SRPRB: variants seen among roughly 807,000 people sequenced by gnomAD.
SRPRB encodes SRP receptor subunit beta, also known as signal recognition particle receptor subunit beta.
A neutral mutation model predicts 31.9 loss-of-function variants in SRPRB; 20 were observed. That is an observed-to-expected ratio of 0.63 (90% confidence interval 0.44 to 0.91). The LOEUF is 0.91. Among genes scored for constraint, SRPRB ranks in the 40% least tolerant of loss-of-function variants. The probability of loss-of-function intolerance (pLI) is 0.00; values close to 1 mark genes in which losing one functional copy is unlikely to be tolerated. For missense variants in SRPRB, 321 were observed against 324.9 expected (o/e 0.99, Z 0.09); for synonymous variants, 146 against 132.8 (o/e 1.10, Z -0.68).
At chr3:133,808,991 A>AGTTT (rs777003763) in intron 3 of SRPRB, among the ~76,000 whole-genome samples, 1 of 151,214 alleles carries the variant, frequency 6.6e-6, no homozygotes, top group African/African-American at 2.4e-5. Flanking sequence ...GTAATGCATA[A>AGTTT]GTTTGTTTGT....
chr3:133,809,149 T>A (rs962197691), intron 3 of SRPRB, among the ~76,000 whole-genome samples: 1 of 151,776 alleles, frequency 6.6e-6, no homozygotes, highest in East Asian at 2.0e-4. Flanking sequence ...CCCACCACCA[T>A]GCCTGGCTAA....
chr3:133,801,230 C>T (rs1039747515), upstream of SRPRB, among the ~76,000 whole-genome samples: 2 of 152,138 alleles, frequency 1.3e-5, no homozygotes, highest in Admixed American at 6.5e-5. Context: ...GAGAAAAATT[C>T]CCTGACTACA....
At position 133,789,901 on chromosome 3, in the gene SRPRB, T is replaced by G. The variant is rs1209773867; in HGVS notation, c.-174+5757T>G. ...TGCGTTTTTTTTTTTTTTTTTTTTT[T>G]TTTTTTTGACAAATGAGCATAATTT... On this transcript the variant is annotated intron_variant, in intron 1 of 7. Coordinates refer to the SRPRB transcript ENST00000466490. The G allele has an allele frequency of 1.5e-3, 129 of 87,610 alleles. 1 individual carries two copies. Among genetic ancestry groups the G allele is most frequent in the African/African-American group, 4.2e-3 (124 of 29,432 alleles). 5.4% of individuals were successfully genotyped at this position (87,610 alleles called of 1,614,324 possible).
intron 1 of SRPRB, chr3:133,789,125 C>T (rs1357423395): frequency 6.6e-6 from 1 of 152,340 alleles, no homozygotes; most frequent in African/African-American, 2.4e-5. Context: ...GGGGATCCTC[C>T]AGACTTCAAC....
upstream of SRPRB, among the ~76,000 whole-genome samples, chr3:133,804,108 A>G (rs1935106841): frequency 6.7e-6 from 1 of 149,640 alleles, no homozygotes; most frequent in South Asian, 2.1e-4. Flanking sequence ...AAAAAAAAAA[A>G]AAAAAAAAGA....
rs770776252 is a variant in SRPRB, at chr3:133,805,918, G to C, written c.70G>C (p.Asp24His). 2 of 1,614,104 alleles carry C rather than the reference G, an allele frequency of 1.2e-6. No individual in the cohort carries two copies. Among genetic ancestry groups the C allele is most frequent in the Non-Finnish European group, 1.7e-6 (2 of 1,179,938 alleles). Residue 24 changes from aspartate (D) to histidine (H), a missense_variant, in exon 1 of 7, where the codon GAC becomes CAC. Asp to His is a moderately conservative substitution (Grantham distance 81). Coordinates refer to ENST00000678299, the MANE Select transcript of SRPRB (RefSeq NM_001379313.1). ...CGGGGGCACCTTCCAGCCCTACCTA[G>C]ACACCTTGCGGCAGGAGCTGCAGCA... is the stretch of plus-strand genomic sequence containing the variant. ...GAGGTFQPYL[D>H]TLRQELQQTD...
At chr3:133,822,510 G>A (rs1264745762), downstream of SRPRB, among the ~76,000 whole-genome samples, 1 of 152,180 alleles carries the variant, frequency 6.6e-6, no homozygotes, top group Non-Finnish European at 1.5e-5. Flanking sequence ...GTGCCTGACA[G>A]TCTACTGGGG....
At chr3:133,814,832 G>A (rs978246445) in intron 4 of SRPRB, among the ~76,000 whole-genome samples, 2 of 152,206 alleles carry the variant, frequency 1.3e-5, no homozygotes, top group Non-Finnish European at 2.9e-5. Flanking sequence ...CACTATGGCT[G>A]CCTTAGTTCA....
rs763086171 is a variant in SRPRB, at chr3:133,784,471, A to AAAAAAT, written c.-174+329_-174+330insAAATAA. 7.1e-4 allele frequency: 75 copies of AAAAAAT among 105,594 alleles called. 1 individual carries two copies. Among genetic ancestry groups the AAAAAAT allele is most frequent in the African/African-American group, 2.4e-3 (63 of 26,604 alleles). The allele number at this position is 105,594 out of a possible 1,614,324, so 6.5% of individuals were successfully genotyped here. A position where few individuals can be genotyped will look rare whatever the true frequency, so the allele number is the denominator to read the frequency against. ...TCTTGTAAATTCCCATTTGTTAAAA[A>AAAAAAT]AATAATAATAATAATAATAATAATA... On this transcript the variant is annotated intron_variant, in intron 1 of 7. Transcript: ENST00000466490.
chr3:133,820,209 G>A lies in SRPRB; in HGVS notation c.*443G>A. ...TTCCAGTTGCCTCTGAAGTTCACAG[G>A]CAATACATTGTCTAGTCCTTTGCGA... is the stretch of plus-strand genomic sequence containing the variant. On this transcript the variant is annotated 3_prime_UTR_variant, in exon 7 of 7. Coordinates refer to ENST00000678299, the MANE Select transcript of SRPRB (RefSeq NM_001379313.1). The A allele has an allele frequency of 5.5e-6, 1 of 182,046 alleles. No homozygotes were observed. The highest frequency in any genetic ancestry group is 1.2e-5 in the Non-Finnish European group (1 of 84,516). The allele number at this position is 182,046 out of a possible 1,614,324, so 11.3% of individuals were successfully genotyped here.
rs1194929507 is a variant in SRPRB, at chr3:133,815,741, T to C, written c.547+15T>C. 3 of 1,610,046 alleles carry C rather than the reference T, an allele frequency of 1.9e-6. No individual in the cohort carries two copies. In the Admixed American group the frequency reaches 5.0e-5, roughly 27 times the overall value. On this transcript the variant is annotated intron_variant, in intron 5 of 6. Coordinates refer to ENST00000678299, the MANE Select transcript of SRPRB (RefSeq NM_001379313.1). The stretch of plus-strand genomic sequence containing the variant: ...CAATAAGCAAGGTGCCATCATGTTT[T>C]CTTGCAATAATAATTGAGTTTTTTG...
At chr3:133,807,398 G>T (rs1183741697) in intron 2 of SRPRB, among the ~76,000 whole-genome samples, 1 of 151,768 alleles carries the variant, frequency 6.6e-6, no homozygotes, top group African/African-American at 2.4e-5. Flanking sequence ...GACTACAGGC[G>T]TGCAACACTA....
upstream of SRPRB, among the ~76,000 whole-genome samples, chr3:133,804,039 T>C (rs1401824152): frequency 1.6e-5 from 2 of 127,552 alleles, no homozygotes; most frequent in Non-Finnish European, 3.1e-5. Context: ...GAGCTTGCAG[T>C]GAGCCGAGAT....
intron 6 of SRPRB, among the ~76,000 whole-genome samples, chr3:133,818,040 C>G (rs1935396505): frequency 6.6e-6 from 1 of 152,202 alleles, no homozygotes; most frequent in Admixed American, 6.5e-5. Context: ...TTCAGTGGTT[C>G]CTTTCCCGTC....
chr3:133,825,544 A>G (rs1044360230), downstream of SRPRB: 2 of 152,254 alleles, frequency 1.3e-5, no homozygotes, highest in African/African-American at 4.8e-5. Context: ...CTAGCCTTGG[A>G]TCACACAACT....
intron 1 of SRPRB, chr3:133,794,945 G>C (rs76456178): frequency 3.3e-5 from 5 of 152,126 alleles, no homozygotes; most frequent in Non-Finnish European, 2.9e-5. Context: ...CCAGCTTTAG[G>C]TCCTTTTTCC....
intron 2 of SRPRB, 112 bp downstream of exon 2, chr3:133,806,815 G>A: frequency 2.4e-6 from 2 of 821,578 alleles, no homozygotes; most frequent in Non-Finnish European, 3.9e-6. Context: ...TGTTAAATTT[G>A]GAAGTTAATT....
downstream of SRPRB, chr3:133,824,972 C>G (rs1935534256): frequency 6.6e-6 from 1 of 152,118 alleles, no homozygotes; most frequent in South Asian, 2.1e-4. Context: ...GTTTTCCTGC[C>G]TGTAGACAGG....
intron 1 of SRPRB, chr3:133,793,845 T>A (rs1934904819): frequency 6.6e-6 from 1 of 152,140 alleles, no homozygotes; most frequent in Non-Finnish European, 1.5e-5. Flanking sequence ...TCTAATAAGT[T>A]TAGAATTATA....
Sources: gnomAD v4.1 joint callset for allele counts (sites outside exome capture counted in the v4.1 genomes callset) on GRCh38, gnomAD v4.1.1 for gene constraint, MANE v1.5 for transcripts, NCBI Gene and HGNC (gene_info 2026-07-23, HGNC 2026-07-21) for gene names.